Variants in ZIM3 observed in about 807,000 individuals in gnomAD.
ZIM3 encodes zinc finger imprinted 3, also known as zinc finger protein 657.
A neutral mutation model predicts 12.9 loss-of-function variants in ZIM3; 11 were observed. That is an observed-to-expected ratio of 0.85 (90% CI 0.54 to 1.41). ZIM3 has a LOEUF of 1.41. Among genes scored for constraint, ZIM3 ranks in the 40% most tolerant of loss-of-function variants. The pLI, the probability that ZIM3 is intolerant of heterozygous loss-of-function variation, is 0.00. For missense variants in ZIM3, 604 were observed against 557.2 expected (o/e 1.08, Z -0.85); for synonymous variants, 205 against 198.5 (o/e 1.03, Z -0.28).
chr19:57,139,552 C>T (rs1050910716), intron 2 of ZIM3, among the ~76,000 whole-genome samples: 3 of 151,496 alleles, frequency 2.0e-5, no homozygotes, highest in African/African-American at 4.9e-5. Context: ...ATGGTGAAAC[C>T]CCATCTCTAC....
intron 4 of ZIM3, 40 bp from the exon 5 acceptor site, chr19:57,136,135 C>T: frequency 6.6e-7 from 1 of 1,525,692 alleles, no homozygotes; most frequent in East Asian, 2.3e-5. Flanking sequence ...GTAAAACGTT[C>T]CACTCACATG....
rs887406968 is a variant in ZIM3 at position 57,135,336 on chromosome 19, G to C, written c.1001C>G (p.Pro334Arg). ...CTTCTCACATATGCTACATTTATAG[G>C]GTTTCTCTCCCGTGTGTATTCTCTG... Reference protein sequence around the residue: ...KHQRIHTGEKPYKCSICEKAF... With the variant: ...KHQRIHTGEKRYKCSICEKAF... Residue 334 changes from proline to arginine, a missense_variant, in exon 5 of 5, where the codon CCC becomes CGC. Pro to Arg is a moderately radical substitution (Grantham distance 103, BLOSUM62 -2). Transcript: ENST00000269834. 14 of 1,613,896 alleles carry C rather than the reference G, an allele frequency of 8.7e-6. No homozygotes were observed. The highest frequency in any genetic ancestry group is 1.2e-5 in the Non-Finnish European group (14 of 1,180,018).
chr19:57,135,534 T>G lies in ZIM3; in HGVS notation c.803A>C (p.Asn268Thr). The change falls in exon 5 of 5, where the codon AAT becomes ACT. Residue 268 changes from asparagine (N) to threonine (T), a missense_variant. Transcript: ENST00000269834. ...KAFSWKSSCI[N>T]HEKIHNAKKS... ...CTTGGCATTATGAATTTTCTCATGA[T>G]TAATGCAGGATGATTTCCAGGAAAA... The G allele has an allele frequency of 6.2e-7, 1 of 1,614,086 alleles. No homozygotes were observed. Among genetic ancestry groups the G allele is most frequent in the Non-Finnish European group, 8.5e-7 (1 of 1,179,990 alleles).
chr19:57,139,670 T>C lies in ZIM3; in HGVS notation c.16-1072A>G, dbSNP rs373279956. On this transcript the variant is annotated intron_variant, in intron 2 of 4. Coordinates refer to ENST00000269834, the MANE Select transcript of ZIM3 (RefSeq NM_052882.1). The stretch of plus-strand genomic sequence containing the variant: ...GAACCCTGGGAGGTGGAGGTTGCAG[T>C]GAGCTGAGATCACACCACTGCACTC... 3.5e-3 allele frequency among the ~76,000 whole-genome samples: 534 copies of C among 152,264 alleles called. 2 individuals carry two copies. Among genetic ancestry groups the C allele is most frequent in the African/African-American group, 0.012 (506 of 41,562 alleles).
rs763542229 is a variant in ZIM3, at chr19:57,135,597, T to C, written c.740A>G (p.Lys247Arg). 1.2e-6 allele frequency: 2 copies of C among 1,614,032 alleles called. No homozygotes were observed. The highest frequency in any genetic ancestry group is 1.7e-6 in the Non-Finnish European group (2 of 1,180,004). The change falls in exon 5 of 5, where the codon AAA (lysine) becomes AGA (arginine). Residue 247 changes from lysine (K) to arginine (R), a missense_variant. Lys to Arg is a conservative substitution (Grantham distance 26). Transcript: ENST00000269834. ...NLFQHQKMHTKEKPYQCKTCG... is the reference protein window; with the variant it reads ...NLFQHQKMHTREKPYQCKTCG... The stretch of plus-strand genomic sequence containing the variant: ...TGTCTTACACTGATAGGGTTTCTCT[T>C]TAGTATGCATTTTCTGATGTTGAAA...
intron 2 of ZIM3, 26 bp from the exon 3 acceptor site, chr19:57,138,624 A>T (rs1375133011): frequency 6.2e-7 from 1 of 1,609,346 alleles, no homozygotes; most frequent in Non-Finnish European, 8.5e-7. Context: ...CCCGATCAGT[A>T]TAAAAATGCC....
chr19:57,137,023 T>C (rs546377000), intron 3 of ZIM3, 52 bp from the exon 4 acceptor site: 1 of 1,574,874 alleles, frequency 6.3e-7, no homozygotes, highest in African/African-American at 1.3e-5. Flanking sequence ...GTGAGTTGTT[T>C]GTGCAAGTGT....
chr19:57,137,764 C>T (rs527548001), intron 3 of ZIM3, among the ~76,000 whole-genome samples: 5 of 144,622 alleles, frequency 3.5e-5, no homozygotes, highest in Admixed American at 2.7e-4. Flanking sequence ...ACTCCAGCCT[C>T]GGTGACACAG....
At chr19:57,140,840 C>G (rs1189570110) in intron 2 of ZIM3, among the ~76,000 whole-genome samples, 1 of 152,170 alleles carries the variant, frequency 6.6e-6, no homozygotes, top group East Asian at 1.9e-4. Context: ...AAAGAAACTA[C>G]TATCTGCCTA....
At chr19:57,141,762 G>A (rs888518799) in intron 2 of ZIM3, among the ~76,000 whole-genome samples, 3 of 151,768 alleles carry the variant, frequency 2.0e-5, no homozygotes, top group African/African-American at 7.3e-5. Context: ...GCTGAGGAAG[G>A]AGAATCGCTT....
At position 57,135,449 on chromosome 19, in the gene ZIM3, T is replaced by C; in HGVS notation, c.888A>G (p.Gln296=). The part of the protein sequence containing the change: ...KSFRQNSTLI[Q]HKKVHTGQKP... ...TTTGTCCAGTGTGAACTTTTTTATG[T>C]TGAATGAGGGTTGAGTTCTGCCTGA... The change falls in exon 5 of 5, where the codon CAA becomes CAG. Residue 296 remains glutamine (Q), a synonymous_variant. Coordinates refer to ENST00000269834, the MANE Select transcript of ZIM3 (RefSeq NM_052882.1). 1 of 1,614,172 alleles carries C rather than the reference T, an allele frequency of 6.2e-7. No homozygotes were observed.
intron 2 of ZIM3, among the ~76,000 whole-genome samples, chr19:57,138,863 C>T (rs146594470): frequency 1.2e-3 from 177 of 152,290 alleles, no homozygotes; most frequent in African/African-American, 4.0e-3. Flanking sequence ...ATCTTCTCCA[C>T]CATTCATAAA....
chr19:57,136,521 G>A (rs368681720), intron 4 of ZIM3, among the ~76,000 whole-genome samples: 6 of 151,730 alleles, frequency 4.0e-5, no homozygotes, highest in Admixed American at 6.6e-5. Context: ...AAAATTCGCC[G>A]GGCATGGTGG....
chr19:57,137,132 G>A lies in ZIM3; in HGVS notation c.143-161C>T, dbSNP rs192067988. 2.2e-3 allele frequency among the ~76,000 whole-genome samples: 338 copies of A among 152,288 alleles called. 5 individuals are homozygous for A. The highest frequency in any genetic ancestry group is 2.1e-3 in the East Asian group (11 of 5,174). The stretch of plus-strand genomic sequence containing the variant: ...TGTGGGTATGTGCCATTGGTTGGGG[G>A]GAGTTGTGTGGATGGATGGTTTGAG... On this transcript the variant is annotated intron_variant, in intron 3 of 4. Transcript: ENST00000269834.
chr19:57,144,205 C>T (rs943892715), intron 1 of ZIM3, among the ~76,000 whole-genome samples: 8 of 151,950 alleles, frequency 5.3e-5, no homozygotes, highest in African/African-American at 1.9e-4. Context: ...GTGCATGCTA[C>T]CACATCAGCT....
chr19:57,143,675 C>CTTTTT (rs71186226), intron 1 of ZIM3, among the ~76,000 whole-genome samples: 3 of 138,982 alleles, frequency 2.2e-5, no homozygotes, highest in African/African-American at 5.3e-5. Flanking sequence ...CCAGGAGTTA[C>CTTTTT]TTTTTTTTTT....
intron 2 of ZIM3, among the ~76,000 whole-genome samples, chr19:57,140,643 T>G (rs887568918): frequency 6.6e-6 from 1 of 152,010 alleles, no homozygotes; most frequent in Non-Finnish European, 1.5e-5. Flanking sequence ...CTAAGCTCAT[T>G]TTTTATTATT....
At chr19:57,143,838 G>C (rs1326520614) in intron 1 of ZIM3, among the ~76,000 whole-genome samples, 2 of 151,758 alleles carry the variant, frequency 1.3e-5, no homozygotes, top group Non-Finnish European at 2.9e-5. Context: ...ACCATGCCCA[G>C]CTAATTTTTG....
intron 3 of ZIM3, among the ~76,000 whole-genome samples, chr19:57,137,667 C>A (rs1387060616): frequency 6.8e-6 from 1 of 147,812 alleles, no homozygotes; most frequent in Non-Finnish European, 1.5e-5. Context: ...GAGCCGAGAT[C>A]ACACCACTGC....
Sources: gnomAD v4.1 joint callset for allele counts (sites outside exome capture counted in the v4.1 genomes callset) on GRCh38, gnomAD v4.1.1 for gene constraint, MANE v1.5 for transcripts, NCBI Gene and HGNC (gene_info 2026-07-23, HGNC 2026-07-21) for gene names.